The following MFHAS1 variants were observed in gnomAD, a reference collection of about 807,000 sequenced individuals.
MFHAS1 encodes the protein malignant fibrous histiocytoma-amplified sequence 1.
MFHAS1 carries 50 observed loss-of-function variants against 70.4 expected under a neutral mutation model. The ratio of observed to expected loss-of-function variants is 0.71; its 90% CI spans 0.57 to 0.90. The LOEUF (loss-of-function observed/expected upper bound fraction) is 0.90. MFHAS1 is among the 40% of genes least tolerant of loss of function. The pLI, the probability that MFHAS1 is intolerant of heterozygous loss-of-function variation, is 0.00. For synonymous variants in MFHAS1, 952 were observed against 620.0 expected (o/e 1.54, Z -7.96); for missense variants, 1,795 against 1,347.6 (o/e 1.33, Z -5.20).
At chr8:8,797,531 A>G in intron 1 of MFHAS1, 40 bp from the exon 2 acceptor site, 2 of 1,591,206 alleles carry the variant, frequency 1.3e-6, no homozygotes, top group Non-Finnish European at 8.6e-7. Flanking sequence ...GGAGATGTGC[A>G]CTAAAAATGG....
chr8:8,867,933 C>T (rs1263302161), intron 1 of MFHAS1, among the ~76,000 whole-genome samples: 5 of 152,134 alleles, frequency 3.3e-5, no homozygotes, highest in Non-Finnish European at 5.9e-5. Context: ...TAACTCCATT[C>T]TTCATTCTCA....
intron 1 of MFHAS1, among the ~76,000 whole-genome samples, chr8:8,864,374 C>T (rs1018233987): frequency 9.9e-5 from 15 of 152,200 alleles, no homozygotes; most frequent in African/African-American, 3.4e-4. Context: ...TGGCCCTGCC[C>T]GACTCCTCCT....
intron 1 of MFHAS1, among the ~76,000 whole-genome samples, chr8:8,863,818 T>C (rs141965639): frequency 7.5e-4 from 114 of 152,304 alleles, no homozygotes; most frequent in African/African-American, 2.7e-3. Flanking sequence ...CACCCTGTCT[T>C]AAAACTTAAG....
rs182351755 is a variant in MFHAS1, at chr8:8,888,917, T to C, written c.2998+1144A>G. Reference sequence around the variant, plus strand: ...AAATGTACTGCTCTGGTGGGAGATGTTGACGTTGGTGAAGCTACGCATGTG... The same window carrying C: ...AAATGTACTGCTCTGGTGGGAGATGCTGACGTTGGTGAAGCTACGCATGTG... On this transcript the variant is annotated intron_variant, in intron 1 of 2. Coordinates refer to ENST00000276282, the MANE Select transcript of MFHAS1 (RefSeq NM_004225.3). Among the ~76,000 whole-genome samples the C allele has an allele frequency of 4.0e-3, 610 of 151,920 alleles. 2 individuals are homozygous for C. Among genetic ancestry groups the C allele is most frequent in the Non-Finnish European group, 6.2e-3 (424 of 67,982 alleles).
intron 1 of MFHAS1, among the ~76,000 whole-genome samples, chr8:8,864,100 G>C (rs1808767283): frequency 6.6e-6 from 1 of 152,204 alleles, no homozygotes; most frequent in African/African-American, 2.4e-5. Context: ...ATGGATTTGA[G>C]ACTGAGCTCC....
chr8:8,790,047 T>A (rs1344908868), intron 2 of MFHAS1, among the ~76,000 whole-genome samples: 4 of 152,194 alleles, frequency 2.6e-5, no homozygotes, highest in Non-Finnish European at 5.9e-5. Context: ...TATTTCTGCA[T>A]AATATTAACA....
In MFHAS1 at chr8:8,892,301, T is replaced by C; in HGVS notation, c.758A>G (p.Glu253Gly). 6.2e-7 allele frequency: 1 copy of C among 1,612,232 alleles called. No individual in the cohort carries two copies. Among genetic ancestry groups the C allele is most frequent in the Non-Finnish European group, 8.5e-7 (1 of 1,179,912 alleles). Residue 253 changes from glutamate to glycine, a missense_variant, in exon 1 of 3, where the codon GAG becomes GGG. Glu to Gly is a moderately conservative substitution (Grantham distance 98). Transcript: ENST00000276282. The surrounding 1 kb of genome is among the most constrained non-coding windows in gnomAD (Gnocchi z 4.7). ...CCCGTTGTTGTCTAGCATGAGGCTC[T>C]CCAAACTGGCCAGCTCGCAGAAGCC... The part of the protein sequence containing the change: ...PAGFCELASL[E>G]SLMLDNNGLQ...
rs182570510 is a variant in MFHAS1 at position 8,806,111 on chromosome 8, T to A, written c.2999-8620A>T. Among the ~76,000 whole-genome samples the A allele has an allele frequency of 7.2e-5, 11 of 152,310 alleles. No individual in the cohort carries two copies. The East Asian group carries it at 2.1e-3, about 29-fold the overall frequency. On this transcript the variant is annotated intron_variant, in intron 1 of 2. Coordinates refer to ENST00000276282, the MANE Select transcript of MFHAS1 (RefSeq NM_004225.3). The stretch of plus-strand genomic sequence containing the variant: ...ATGCCTGGTTATTTGCAATTCCTCT[T>A]CCTCCTGCTTTCTCTGTTTCTAATA...
intron 1 of MFHAS1, among the ~76,000 whole-genome samples, chr8:8,881,600 G>A (rs954542360): frequency 6.6e-6 from 1 of 152,198 alleles, no homozygotes; most frequent in Non-Finnish European, 1.5e-5. Flanking sequence ...TTGGGAGGCT[G>A]AGGCGGGCGG....
intron 1 of MFHAS1, among the ~76,000 whole-genome samples, chr8:8,838,939 T>C (rs1510934): frequency 6.6e-6 from 1 of 152,002 alleles, no homozygotes; most frequent in Non-Finnish European, 1.5e-5. Flanking sequence ...CAAAGGCATG[T>C]ACCATTTTAT....
chr8:8,814,765 C>G (rs1806674280), intron 1 of MFHAS1, among the ~76,000 whole-genome samples: 1 of 151,132 alleles, frequency 6.6e-6, no homozygotes, highest in Non-Finnish European at 1.5e-5. Context: ...TAAATAGGAG[C>G]ATGAAAAGAC....
At chr8:8,848,949 T>C (rs899005816) in intron 1 of MFHAS1, among the ~76,000 whole-genome samples, 1 of 152,128 alleles carries the variant, frequency 6.6e-6, no homozygotes, top group South Asian at 2.1e-4. Context: ...CAAAACACTA[T>C]TATACTTACT....
intron 1 of MFHAS1, among the ~76,000 whole-genome samples, chr8:8,861,766 T>C (rs926435314): frequency 1.3e-5 from 2 of 152,212 alleles, no homozygotes; most frequent in African/African-American, 2.4e-5. Context: ...CAGACCTGCT[T>C]TCTGACAGTG....
At chr8:8,809,629 A>G (rs945490469) in intron 1 of MFHAS1, among the ~76,000 whole-genome samples, 7 of 152,122 alleles carry the variant, frequency 4.6e-5, no homozygotes, top group African/African-American at 1.7e-4. Flanking sequence ...AAGGAAAACT[A>G]TTTCCCCTTT....
chr8:8,793,909 T>C (rs6601732), intron 2 of MFHAS1, among the ~76,000 whole-genome samples: 121,829 of 152,180 alleles, frequency 0.8, 48,930 homozygotes, highest in South Asian at 0.91. Context: ...TGACCTTGGC[T>C]GGGCACGGTG....
At chr8:8,817,595 G>C (rs550167116) in intron 1 of MFHAS1, among the ~76,000 whole-genome samples, 3 of 152,218 alleles carry the variant, frequency 2.0e-5, no homozygotes, top group South Asian at 2.1e-4. Flanking sequence ...CCGCAGATGG[G>C]GGGGCTCTCG....
At position 8,892,422 on chromosome 8, in the gene MFHAS1, T is replaced by C. The variant is rs1181110743; in HGVS notation, c.637A>G (p.Ser213Gly). The C allele has an allele frequency of 6.2e-7, 1 of 1,612,578 alleles. No homozygotes were observed. Among genetic ancestry groups the C allele is most frequent in the Non-Finnish European group, 8.5e-7 (1 of 1,179,592 alleles). The change falls in exon 1 of 3, where the codon AGC becomes GGC. Residue 213 changes from serine (S) to glycine (G), a missense_variant. Transcript: ENST00000276282. This position sits in a 1 kb window ranked among gnomAD's most constrained non-coding sequence, Gnocchi z 4.7. ...LVALEELDVS[S>G]NRLRGLPEDI... ...TCAGGCAGGCCCCGCAGCCGGTTGC[T>C]GGACACGTCCAGCTCCTCCAGGGCC...
chr8:8,803,058 G>A (rs1294824687), intron 1 of MFHAS1, among the ~76,000 whole-genome samples: 1 of 152,164 alleles, frequency 6.6e-6, no homozygotes, highest in Non-Finnish European at 1.5e-5. Flanking sequence ...CTCTTAAGGG[G>A]TTTTGGGGAT....
intron 1 of MFHAS1, among the ~76,000 whole-genome samples, chr8:8,851,954 G>C (rs1808261514): frequency 6.6e-6 from 1 of 152,146 alleles, no homozygotes; most frequent in Non-Finnish European, 1.5e-5. Flanking sequence ...GTAAATCTGA[G>C]GTCACCAGGC....
Sources: gnomAD v4.1 joint callset for allele counts (sites outside exome capture counted in the v4.1 genomes callset) on GRCh38, gnomAD v4.1.1 for gene constraint, Gnocchi (gnomAD v3.1) non-coding constraint, MANE v1.5 for transcripts, NCBI Gene and HGNC (gene_info 2026-07-23, HGNC 2026-07-21) for gene names.